KIAA2012: variants seen among roughly 807,000 people sequenced by gnomAD.
KIAA2012 encodes uncharacterized protein KIAA2012.
Under a neutral mutation model 150.6 loss-of-function variants are expected in KIAA2012, and 125 were observed. The observed-to-expected ratio is 0.83, with a 90% CI of 0.72 to 0.96. KIAA2012 has a LOEUF of 0.96. Ranked by LOEUF, KIAA2012 falls within the 40% of genes least tolerant of loss-of-function variation. The pLI is 0.00. For synonymous variants in KIAA2012, 462 were observed against 504.7 expected (o/e 0.92, Z 1.13); for missense variants, 1,219 against 1,354.9 (o/e 0.90, Z 1.57).
In KIAA2012 at chr2:202,138,497, A is replaced by G. The variant is rs547829307; in HGVS notation, c.1897A>G (p.Thr633Ala). The G allele has an allele frequency of 1.3e-6, 2 of 1,549,844 alleles. No individual in the cohort carries two copies. The highest frequency in any genetic ancestry group is 1.4e-5 in the African/African-American group (1 of 73,166). The change falls in exon 13 of 24, where the codon ACA becomes GCA. Residue 633 changes from threonine (T) to alanine (A), a missense_variant. Physicochemically the swap from Thr to Ala is moderately conservative, Grantham distance 58. Transcript: ENST00000498697. ...LYETSPLTQT[T>A]EKQGAQQSLE... Reference sequence around the variant, plus strand: ...TGAAACCTCACCGTTGACCCAAACAACAGAGAAGCAGGTATAGTATTGACT... The same window carrying G: ...TGAAACCTCACCGTTGACCCAAACAGCAGAGAAGCAGGTATAGTATTGACT...
Position 202,196,939 on chromosome 2 carries a change from AGAG to A in KIAA2012, c.3331_3333del (p.Glu1111del). The A allele has an allele frequency of 1.3e-6, 2 of 1,550,712 alleles. No homozygotes were observed. The highest frequency in any genetic ancestry group is 1.7e-6 in the Non-Finnish European group (2 of 1,147,022). On this transcript the variant is annotated inframe_deletion, in exon 22 of 24. Coordinates refer to ENST00000498697, the MANE Select transcript of KIAA2012 (RefSeq NM_001277372.4). ...CAGAAGAGAAGGCTCGGCTGGAGGC[AGAG>A]GAGAGGAGGCAAAAAGAAGAGGAAG...
chr2:202,182,093 T>C (rs1348954384), intron 15 of KIAA2012, among the ~76,000 whole-genome samples: 5 of 150,966 alleles, frequency 3.3e-5, no homozygotes, highest in Admixed American at 3.3e-4. Context: ...CCATATGTAC[T>C]TTTTTTTCTT....
intron 7 of KIAA2012, among the ~76,000 whole-genome samples, chr2:202,100,943 C>T (rs1292430368): frequency 1.3e-5 from 2 of 152,152 alleles, no homozygotes; most frequent in Non-Finnish European, 2.9e-5. Context: ...ATGTCCTTGG[C>T]TGTCTCTGGC....
chr2:202,097,237 G>A (rs1267039540), intron 4 of KIAA2012, among the ~76,000 whole-genome samples, 198 bp from the exon 5 acceptor site: 1 of 152,250 alleles, frequency 6.6e-6, no homozygotes, highest in African/African-American at 2.4e-5. Context: ...CTGACTGCCA[G>A]TGCAGCTCTG....
chr2:202,094,085 C>T (rs1015700580), intron 4 of KIAA2012, among the ~76,000 whole-genome samples: 1 of 152,252 alleles, frequency 6.6e-6, no homozygotes, highest in African/African-American at 2.4e-5. Flanking sequence ...AGCTTGAGAC[C>T]AGCCTGGGCA....
At chr2:202,170,837 C>A (rs559955439) in intron 15 of KIAA2012, among the ~76,000 whole-genome samples, 63 of 152,278 alleles carry the variant, frequency 4.1e-4, no homozygotes, top group African/African-American at 1.3e-3. Flanking sequence ...GTGCCAGGCA[C>A]CAGGCTATGC....
intron 23 of KIAA2012, among the ~76,000 whole-genome samples, chr2:202,203,594 T>C (rs1692573480): frequency 6.6e-6 from 1 of 152,224 alleles, no homozygotes; most frequent in Non-Finnish European, 1.5e-5. Flanking sequence ...GGTTACCGGC[T>C]ACTGTATTGG....
At chr2:202,099,281 C>T (rs895997112) in intron 5 of KIAA2012, among the ~76,000 whole-genome samples, 2 of 152,114 alleles carry the variant, frequency 1.3e-5, no homozygotes, top group African/African-American at 2.4e-5. Context: ...TGAGCCACTG[C>T]GTTCAGCCTG....
intron 7 of KIAA2012, 127 bp downstream of exon 7, chr2:202,100,576 G>A (rs140451612): frequency 6.0e-5 from 65 of 1,088,266 alleles, no homozygotes; most frequent in South Asian, 2.6e-4. Context: ...CCTCTCTAGC[G>A]TCTGAGCTGA....
Position 202,160,313 on chromosome 2 carries a change from C to CTTT in KIAA2012, c.2047-4955_2047-4953dup, listed in dbSNP as rs774846619. ...GATACTTTATGATTTTTCATAAGGT[C>CTTT]TTTTTTTTTTTTTTTTTTGAGATGG... On this transcript the variant is annotated intron_variant, in intron 14 of 23. Coordinates refer to ENST00000498697, the MANE Select transcript of KIAA2012 (RefSeq NM_001277372.4). Among the ~76,000 whole-genome samples, 244 of 122,192 alleles carry CTTT rather than the reference C, an allele frequency of 2.0e-3. 5 individuals carry two copies. Among genetic ancestry groups the CTTT allele is most frequent in the Non-Finnish European group, 2.5e-3 (149 of 59,722 alleles). The allele number at this position is 122,192 out of a possible 152,430, so 80.2% of individuals were successfully genotyped here.
intron 19 of KIAA2012, 24 bp downstream of exon 19, chr2:202,190,517 G>A (rs1208759183): frequency 1.3e-5 from 19 of 1,448,798 alleles, no homozygotes; most frequent in Middle Eastern, 1.8e-4. Context: ...TCCTCAGCTT[G>A]ACAGAGGAAG....
intron 13 of KIAA2012, among the ~76,000 whole-genome samples, chr2:202,145,394 C>T (rs900625413): frequency 2.0e-5 from 3 of 152,102 alleles, no homozygotes; most frequent in East Asian, 3.9e-4. Flanking sequence ...TGCCCCAAAA[C>T]GCCCTAGACA....
At chr2:202,140,616 CT>C (rs1478722566) in intron 13 of KIAA2012, among the ~76,000 whole-genome samples, 1 of 152,218 alleles carries the variant, frequency 6.6e-6, no homozygotes, top group Non-Finnish European at 1.5e-5. Flanking sequence ...CTAATGGCCT[CT>C]TATTAGATTA....
chr2:202,123,183 C>T (rs571445990), intron 11 of KIAA2012, among the ~76,000 whole-genome samples: 5 of 152,298 alleles, frequency 3.3e-5, no homozygotes, highest in South Asian at 2.1e-4. Context: ...AAGGGCAGGG[C>T]GGTGGCGGTG....
intron 8 of KIAA2012, 30 bp from the exon 9 acceptor site, chr2:202,105,731 C>T (rs1305988241): frequency 1.9e-6 from 3 of 1,545,370 alleles, no homozygotes; most frequent in African/African-American, 2.7e-5. Context: ...CAGACCTCTG[C>T]TACAATTCAG....
chr2:202,175,627 TTCCCCAGACACTGAATG>T (rs1183300084), intron 15 of KIAA2012, among the ~76,000 whole-genome samples: 1 of 152,166 alleles, frequency 6.6e-6, no homozygotes, highest in African/African-American at 2.4e-5. Context: ...AAAGTGAGAC[TTCCCCAGACACTGAATG>T]TCCCCAGACA....
intron 9 of KIAA2012, among the ~76,000 whole-genome samples, chr2:202,108,269 G>T (rs1032214963): frequency 2.0e-5 from 3 of 152,144 alleles, no homozygotes; most frequent in Non-Finnish European, 2.9e-5. Flanking sequence ...TGCAGACATT[G>T]TACCATTAAT....
At chr2:202,113,636 A>C in intron 11 of KIAA2012, 190 bp downstream of exon 11, 1 of 569,668 alleles carries the variant, frequency 1.8e-6, no homozygotes, top group Non-Finnish European at 3.1e-6. Flanking sequence ...TTTGCATAAC[A>C]AGTTTACTCT....
At chr2:202,151,873 A>C (rs528146418) in intron 13 of KIAA2012, among the ~76,000 whole-genome samples, 1 of 152,074 alleles carries the variant, frequency 6.6e-6, no homozygotes, top group East Asian at 1.9e-4. Flanking sequence ...GGATCTTACC[A>C]CCTCAGCTTT....
Sources: gnomAD v4.1 joint callset for allele counts (sites outside exome capture counted in the v4.1 genomes callset) on GRCh38, gnomAD v4.1.1 for gene constraint, MANE v1.5 for transcripts, NCBI Gene and HGNC (gene_info 2026-07-23, HGNC 2026-07-21) for gene names.